RGS10: variants seen among roughly 807,000 people sequenced by gnomAD.
The protein encoded by RGS10 is regulator of G-protein signalling 10.
RGS10 carries 11 observed loss-of-function variants against 23.5 expected under a neutral mutation model. The ratio of observed to expected loss-of-function variants is 0.47; its 90% confidence interval spans 0.29 to 0.77. RGS10 has a LOEUF of 0.77. Among genes scored for constraint, RGS10 ranks in the 30% least tolerant of loss-of-function variants. The pLI, the probability that RGS10 is intolerant of heterozygous loss-of-function variation, is 0.08. For synonymous variants in RGS10, 77 were observed against 83.2 expected, an observed-to-expected ratio of 0.92 and a Z score of 0.41; for missense variants, 180 against 226.3, an observed-to-expected ratio of 0.80 and a Z score of 1.31.
intron 3 of RGS10, among the ~76,000 whole-genome samples, chr10:119,522,881 C>CTT (rs35536168): frequency 1.6e-4 from 24 of 147,744 alleles, no homozygotes; most frequent in South Asian, 4.3e-4. Context: ...GCTCTGAATT[C>CTT]TTTTTTTTTT....
intron 3 of RGS10, among the ~76,000 whole-genome samples, chr10:119,522,148 G>A (rs1188742890): frequency 1.3e-5 from 2 of 152,222 alleles, no homozygotes; most frequent in African/African-American, 2.4e-5. Flanking sequence ...TGGGGAAGAA[G>A]AGGCCCCCCA....
intron 1 of RGS10, chr10:119,536,590 A>C: frequency 7.6e-7 from 1 of 1,318,346 alleles, no homozygotes; most frequent in Non-Finnish European, 1.0e-6. Context: ...TCCGAAGAAA[A>C]AACAAGCCTC....
exon 1 of RGS10, chr10:119,542,707 GGAGGAGGAGGAGGGC>G (rs1427643422): frequency 3.0e-6 from 3 of 1,010,156 alleles, no homozygotes; most frequent in South Asian, 5.4e-5. Context: ...AGGAAGGCGA[GGAGGAGGAGGAGGGC>G]GAGGAGGAGG....
At chr10:119,521,890 C>T (rs3009916) in intron 3 of RGS10, among the ~76,000 whole-genome samples, 59 of 152,196 alleles carry the variant, frequency 3.9e-4, no homozygotes, top group Middle Eastern at 3.4e-3. Context: ...AACATTTCCA[C>T]TCAACAAGGT....
In RGS10 at chr10:119,538,416, G is replaced by C. The variant is rs1401308313; in HGVS notation, c.49+4174C>G. On this transcript the variant is annotated intron_variant, in intron 1 of 4. Transcript: ENST00000369103. The surrounding 1 kb of genome is among the most constrained non-coding windows in gnomAD (Gnocchi z 4.5). ...TCAGACAAGCTGCTCTGTCAAGCATGGAGGGTGGGAGGCAGCGAGGCCTAG... is the reference window on the plus strand; with the variant it reads ...TCAGACAAGCTGCTCTGTCAAGCATCGAGGGTGGGAGGCAGCGAGGCCTAG... 6.6e-6 allele frequency among the ~76,000 whole-genome samples: 1 copy of C among 152,214 alleles called. No homozygotes were observed. The highest frequency in any genetic ancestry group is 1.5e-5 in the Non-Finnish European group (1 of 68,040).
chr10:119,526,243 C>G, intron 2 of RGS10, 125 bp from the exon 3 acceptor site: 1 of 484,382 alleles, frequency 2.1e-6, no homozygotes, highest in South Asian at 4.4e-5. Flanking sequence ...AGTTACTCTT[C>G]GAAAACCCCA....
chr10:119,531,472 T>A (rs1292850441), intron 1 of RGS10, among the ~76,000 whole-genome samples: 23 of 152,134 alleles, frequency 1.5e-4, no homozygotes, highest in Admixed American at 1.5e-3. Context: ...ACAAAATGTC[T>A]GAGAGTTAAA....
chr10:119,522,298 G>A (rs1490120936), intron 3 of RGS10, among the ~76,000 whole-genome samples: 1 of 152,118 alleles, frequency 6.6e-6, no homozygotes, highest in East Asian at 1.9e-4. Context: ...GCGAGAGTGG[G>A]ATTTGTATCG....
chr10:119,528,199 T>C (rs1844296883), intron 1 of RGS10, among the ~76,000 whole-genome samples: 1 of 151,970 alleles, frequency 6.6e-6, no homozygotes, highest in African/African-American at 2.4e-5. Context: ...CCCAGCTAAT[T>C]TTTGTATTCT....
Position 119,515,385 on chromosome 10 carries a change from C to T in RGS10, c.399+124G>A, listed in dbSNP as rs1050130198. On this transcript the variant is annotated intron_variant, in intron 4 of 4. Coordinates refer to ENST00000369103, the MANE Select transcript of RGS10 (RefSeq NM_001005339.2). ...CCAACCATGGCCCCTCAGTGTACCT[C>T]GGTCTGCCCGGCCGTATGAGATGGT... 56 of 1,173,916 alleles carry T rather than the reference C, an allele frequency of 4.8e-5. No individual in the cohort carries two copies. In the African/African-American group the frequency reaches 7.3e-4, roughly 15 times the overall value. The allele number at this position is 1,173,916 out of a possible 1,614,324, so 72.7% of individuals were successfully genotyped here. A position where few individuals can be genotyped will look rare whatever the true frequency, so the allele number is the denominator to read the frequency against.
Position 119,517,156 on chromosome 10 carries a change from A to G in RGS10, c.256-1504T>C, listed in dbSNP as rs2133951285. ...AAGGTTTTGATAGCTGGGGCATGAA[A>G]GGAAGGAAGGGTAGCCCTTTTTTAG... On this transcript the variant is annotated intron_variant, in intron 3 of 4. Transcript: ENST00000369103. The surrounding 1 kb of genome is among the most constrained non-coding windows in gnomAD (Gnocchi z 5.0). Among the ~76,000 whole-genome samples, 1 of 152,360 alleles carries G rather than the reference A, an allele frequency of 6.6e-6. No homozygotes were observed. Among genetic ancestry groups the G allele is most frequent in the African/African-American group, 2.4e-5 (1 of 41,590 alleles).
chr10:119,509,308 G>T (rs1170945636), intron 4 of RGS10, among the ~76,000 whole-genome samples: 1 of 152,114 alleles, frequency 6.6e-6, no homozygotes, highest in Non-Finnish European at 1.5e-5. Context: ...GTGAAAGAAG[G>T]CCGGGCACAG....
At position 119,527,795 on chromosome 10, in the gene RGS10, G is replaced by A. The variant is rs376619163; in HGVS notation, c.50-371C>T. On this transcript the variant is annotated intron_variant, in intron 1 of 4. Transcript: ENST00000369103. The surrounding 1 kb of genome is among the most constrained non-coding windows in gnomAD (Gnocchi z 4.2). ...TCAACAGCAACTGCTTCCCCATGGC[G>A]CTTTGTGCACAGACTTAGAATTATG... Among the ~76,000 whole-genome samples, 4 of 152,104 alleles carry A rather than the reference G, an allele frequency of 2.6e-5. No individual in the cohort carries two copies. Among genetic ancestry groups the A allele is most frequent in the East Asian group, 1.9e-4 (1 of 5,192 alleles).
chr10:119,522,373 A>C (rs1376436536), intron 3 of RGS10, among the ~76,000 whole-genome samples: 2 of 152,180 alleles, frequency 1.3e-5, no homozygotes, highest in African/African-American at 4.8e-5. Context: ...GCTGGAACAG[A>C]TGTGATAAGT....
chr10:119,521,614 GAAGGAAGGAAAGA>G (rs1175117901), intron 3 of RGS10, among the ~76,000 whole-genome samples: 299 of 66,960 alleles, frequency 4.5e-3, no homozygotes, highest in Middle Eastern at 9.3e-3. Context: ...AGAAAGAAAG[GAAGGAAGGAAAGA>G]AAGGAAGGAA....
chr10:119,518,477 G>A (rs10886505), intron 3 of RGS10, among the ~76,000 whole-genome samples: 2 of 151,930 alleles, frequency 1.3e-5, no homozygotes, highest in Non-Finnish European at 2.9e-5. Context: ...TCTCGAACCC[G>A]GCTCCCTGCA....
intron 4 of RGS10, among the ~76,000 whole-genome samples, chr10:119,508,357 A>G (rs1358384532): frequency 6.6e-6 from 1 of 152,192 alleles, no homozygotes; most frequent in Non-Finnish European, 1.5e-5. Context: ...AAGAAGAATG[A>G]GCACCCCACA....
At chr10:119,503,019 T>G (rs1008737050) in intron 4 of RGS10, among the ~76,000 whole-genome samples, 1 of 152,082 alleles carries the variant, frequency 6.6e-6, no homozygotes, top group Non-Finnish European at 1.5e-5. Flanking sequence ...TGGGCCTGGC[T>G]CAGGAGCACA....
intron 4 of RGS10, among the ~76,000 whole-genome samples, chr10:119,505,322 CTT>C (rs11317053): frequency 0.14 from 12,267 of 90,266 alleles, 738 homozygotes; most frequent in African/African-American, 0.23. Context: ...CATTCTGCAT[CTT>C]TTTTTTTTTT....
Sources: gnomAD v4.1 joint callset for allele counts (sites outside exome capture counted in the v4.1 genomes callset) on GRCh38, gnomAD v4.1.1 for gene constraint, Gnocchi (gnomAD v3.1) non-coding constraint, MANE v1.5 for transcripts, NCBI Gene and HGNC (gene_info 2026-07-23, HGNC 2026-07-21) for gene names.